Variants in MIPOL1 observed in about 807,000 individuals in gnomAD.
MIPOL1 encodes the protein mirror-image polydactyly gene 1 protein.
In MIPOL1, 57 loss-of-function variants were observed where a neutral mutation model predicts 60.9. That is an observed-to-expected ratio of 0.94 (90% CI 0.76 to 1.17). MIPOL1 has a LOEUF of 1.17. Ranked by LOEUF, MIPOL1 falls within the 50% of genes most tolerant of loss-of-function variation. The probability of loss-of-function intolerance (pLI) is 0.00; values close to 1 mark genes in which losing one functional copy is unlikely to be tolerated. For synonymous variants in MIPOL1, 179 were observed against 168.8 expected (o/e 1.06, Z -0.47); for missense variants, 551 against 511.6 (o/e 1.08, Z -0.74).
intron 12 of MIPOL1, chr14:37,545,831 T>C: frequency 2.3e-6 from 1 of 433,906 alleles, no homozygotes; most frequent in Non-Finnish European, 4.1e-6. Flanking sequence ...GCTGTGTTTA[T>C]TTGCAGAGGA....
At chr14:37,445,556 G>T (rs2094320051) in intron 11 of MIPOL1, among the ~76,000 whole-genome samples, 1 of 151,218 alleles carries the variant, frequency 6.6e-6, no homozygotes, top group African/African-American at 2.4e-5. Context: ...TTTCTTCACA[G>T]AATTGGAAAA....
At chr14:37,320,118 G>A (rs1349250852) in intron 9 of MIPOL1, among the ~76,000 whole-genome samples, 1 of 152,120 alleles carries the variant, frequency 6.6e-6, no homozygotes, top group African/African-American at 2.4e-5. Flanking sequence ...GTATTATAGA[G>A]ATTCTTGAAC....
chr14:37,232,092 TAAAATAA>T (rs1010830383), intron 1 of MIPOL1, among the ~76,000 whole-genome samples: 30 of 152,134 alleles, frequency 2.0e-4, no homozygotes, highest in African/African-American at 7.0e-4. Flanking sequence ...TAAAAAAAAT[TAAAATAA>T]AAAATAAAAA....
At chr14:37,231,693 C>G (rs774544747) in intron 1 of MIPOL1, among the ~76,000 whole-genome samples, 1 of 152,028 alleles carries the variant, frequency 6.6e-6, no homozygotes, top group Non-Finnish European at 1.5e-5. Context: ...AAAGCATTCT[C>G]TCTAGGAAAA....
chr14:37,451,805 TCTC>T (rs1377120187), intron 11 of MIPOL1, among the ~76,000 whole-genome samples: 11 of 113,100 alleles, frequency 9.7e-5, no homozygotes, highest in African/African-American at 4.4e-4. Context: ...TTGTTTATTC[TCTC>T]TTTTTTTTTT....
At chr14:37,316,051 G>A (rs964011436) in intron 9 of MIPOL1, among the ~76,000 whole-genome samples, 2 of 148,368 alleles carry the variant, frequency 1.3e-5, no homozygotes, top group African/African-American at 2.5e-5. Context: ...TTTTGAGACC[G>A]AATCTTGCTC....
At chr14:37,545,869 G>A in intron 12 of MIPOL1, 1 of 381,284 alleles carries the variant, frequency 2.6e-6, no homozygotes, top group Non-Finnish European at 4.7e-6. Context: ...ATATAAATGA[G>A]GCAAACTGTG....
intron 10 of MIPOL1, among the ~76,000 whole-genome samples, chr14:37,391,518 C>T (rs1036266111): frequency 3.9e-5 from 6 of 151,910 alleles, no homozygotes; most frequent in African/African-American, 1.5e-4. Context: ...GCCTCAGCCT[C>T]CCAAGTAGCT....
At chr14:37,349,429 C>G (rs2091188331) in intron 9 of MIPOL1, among the ~76,000 whole-genome samples, 1 of 152,170 alleles carries the variant, frequency 6.6e-6, no homozygotes, top group African/African-American at 2.4e-5. Context: ...TCTCAAGGCT[C>G]TGCTGTCCTC....
chr14:37,264,144 C>T (rs890570703), intron 3 of MIPOL1, among the ~76,000 whole-genome samples: 2 of 152,048 alleles, frequency 1.3e-5, no homozygotes, highest in East Asian at 1.9e-4. Flanking sequence ...GAAGTCTGAA[C>T]TTAGAGTTAC....
chr14:37,323,651 A>C (rs2088848228), intron 9 of MIPOL1, among the ~76,000 whole-genome samples: 1 of 152,078 alleles, frequency 6.6e-6, no homozygotes, highest in Non-Finnish European at 1.5e-5. Context: ...CATAAATATT[A>C]AACTGGCAAT....
intron 11 of MIPOL1, among the ~76,000 whole-genome samples, chr14:37,463,580 C>G (rs2094564978): frequency 6.6e-6 from 1 of 152,094 alleles, no homozygotes; most frequent in African/African-American, 2.4e-5. Flanking sequence ...AACTGGACCC[C>G]TCTCTCTCAC....
chr14:37,317,468 T>A (rs1341866153), intron 9 of MIPOL1, among the ~76,000 whole-genome samples: 1 of 152,112 alleles, frequency 6.6e-6, no homozygotes, highest in East Asian at 1.9e-4. Context: ...GTAGTAGATA[T>A]TTGATTTTAA....
intron 9 of MIPOL1, among the ~76,000 whole-genome samples, chr14:37,360,201 G>A (rs2092143194): frequency 6.6e-6 from 1 of 152,128 alleles, no homozygotes; most frequent in African/African-American, 2.4e-5. Flanking sequence ...GCTTTTTGAT[G>A]TGCTGCTGGA....
In MIPOL1 at chr14:37,409,185, A is replaced by T. The variant is rs80035461; in HGVS notation, c.937-13670A>T. Among the ~76,000 whole-genome samples the T allele has an allele frequency of 3.1e-3, 466 of 152,266 alleles. 3 individuals are homozygous for T. The highest frequency in any genetic ancestry group is 9.6e-3 in the African/African-American group (397 of 41,556). On this transcript the variant is annotated intron_variant, in intron 10 of 12. Transcript: ENST00000684589. ...CCAAGATTATTATCAGGAAAATATG[A>T]TTTCAAAGTTAAAGATCAATCAAGC...
chr14:37,373,850 G>A (rs1280535493), intron 10 of MIPOL1, among the ~76,000 whole-genome samples: 3 of 152,144 alleles, frequency 2.0e-5, no homozygotes, highest in African/African-American at 4.8e-5. Context: ...ACATAAGTGT[G>A]CATGTGTCTT....
At chr14:37,398,296 C>T (rs528348984) in intron 10 of MIPOL1, among the ~76,000 whole-genome samples, 17 of 152,324 alleles carry the variant, frequency 1.1e-4, no homozygotes, top group African/African-American at 2.6e-4. Flanking sequence ...TTCCCACTTC[C>T]GCAGTTGGGG....
intron 9 of MIPOL1, among the ~76,000 whole-genome samples, chr14:37,342,587 A>G (rs2090651010): frequency 6.6e-6 from 1 of 151,812 alleles, no homozygotes; most frequent in Non-Finnish European, 1.5e-5. Flanking sequence ...TAGTAGAGAC[A>G]GGGTTTCACC....
At chr14:37,247,688 G>A (rs1594721084) in intron 2 of MIPOL1, 141 bp from the exon 3 acceptor site, 1 of 517,526 alleles carries the variant, frequency 1.9e-6, no homozygotes, top group South Asian at 2.9e-5. Context: ...TTCTCCTGTT[G>A]AAATTCTCAG....
Sources: gnomAD v4.1 joint callset for allele counts (sites outside exome capture counted in the v4.1 genomes callset) on GRCh38, gnomAD v4.1.1 for gene constraint, MANE v1.5 for transcripts, NCBI Gene and HGNC (gene_info 2026-07-23, HGNC 2026-07-21) for gene names.